PRKAA2: variants seen among roughly 807,000 people sequenced by gnomAD.
PRKAA2 encodes protein kinase AMP-activated catalytic subunit alpha 2, also known as 5'-AMP-activated protein kinase catalytic subunit alpha-2.
PRKAA2 carries 40 observed loss-of-function variants against 56.3 expected under a neutral mutation model. That is an observed-to-expected ratio of 0.71 (90% CI 0.55 to 0.92). The LOEUF (loss-of-function observed/expected upper bound fraction) is 0.92. Ranked by LOEUF, PRKAA2 falls within the 40% of genes least tolerant of loss-of-function variation. The probability of loss-of-function intolerance (pLI) is 0.00; values close to 1 mark genes in which losing one functional copy is unlikely to be tolerated. For missense variants in PRKAA2, 542 were observed against 686.9 expected (o/e 0.79, Z 2.36); for synonymous variants, 214 against 234.2 (o/e 0.91, Z 0.79).
chr1:56,677,843 A>G (rs530974207), intron 2 of PRKAA2, among the ~76,000 whole-genome samples: 1 of 152,092 alleles, frequency 6.6e-6, no homozygotes. Context: ...TTTTGTAGAG[A>G]CAGGCTTTCC....
At chr1:56,661,527 A>G (rs1643994449) in intron 1 of PRKAA2, among the ~76,000 whole-genome samples, 1 of 152,166 alleles carries the variant, frequency 6.6e-6, no homozygotes, top group Admixed American at 6.5e-5. Flanking sequence ...TCTCATTGCT[A>G]TATAGTATTG....
At position 56,715,127 on chromosome 1, in the gene PRKAA2, A is replaced by G. The variant is rs1344141602; in HGVS notation, c.*7414A>G. 2 of 152,182 alleles carry G rather than the reference A, an allele frequency of 1.3e-5. No homozygotes were observed. The highest frequency in any genetic ancestry group is 1.9e-4 in the East Asian group (1 of 5,196). The allele number at this position is 152,182 out of a possible 1,614,324, so 9.4% of individuals were successfully genotyped here. A position where few individuals can be genotyped will look rare whatever the true frequency, so the allele number is the denominator to read the frequency against. The stretch of plus-strand genomic sequence containing the variant: ...ATACTTTTTGTGAGTGTTAAATGAT[A>G]TGGGAAGGATTTGTCTTTCATTAAC... On this transcript the variant is annotated 3_prime_UTR_variant, in exon 9 of 9. Transcript: ENST00000371244.
chr1:56,690,081 T>C (rs942469220), intron 2 of PRKAA2, among the ~76,000 whole-genome samples: 1 of 151,214 alleles, frequency 6.6e-6, no homozygotes, highest in Non-Finnish European at 1.5e-5. Flanking sequence ...CAACATTATC[T>C]TTTTAATCTG....
At position 56,711,802 on chromosome 1, in the gene PRKAA2, G is replaced by A. The variant is rs1644370146; in HGVS notation, c.*4089G>A. On this transcript the variant is annotated 3_prime_UTR_variant, in exon 9 of 9. Coordinates refer to ENST00000371244, the MANE Select transcript of PRKAA2 (RefSeq NM_006252.4). ...TTCTAAGGTACCTTTGAGCTTTAAA[G>A]TTCTTTTCTGCTTTTCCATATGATT... is the stretch of plus-strand genomic sequence containing the variant. The A allele has an allele frequency of 6.6e-6, 1 of 152,018 alleles. No homozygotes were observed. The highest frequency in any genetic ancestry group is 2.4e-5 in the African/African-American group (1 of 41,378). The allele number at this position is 152,018 out of a possible 1,614,324, so 9.4% of individuals were successfully genotyped here. A position where few individuals can be genotyped will look rare whatever the true frequency, so the allele number is the denominator to read the frequency against.
chr1:56,668,411 TAAA>T (rs11353693), intron 1 of PRKAA2, among the ~76,000 whole-genome samples: 5 of 142,254 alleles, frequency 3.5e-5, no homozygotes, highest in Non-Finnish European at 3.1e-5. Context: ...ACTTAAAGTA[TAAA>T]AAAAAAAAAA....
chr1:56,662,329 A>G (rs1254418767), intron 1 of PRKAA2, among the ~76,000 whole-genome samples: 1 of 152,172 alleles, frequency 6.6e-6, no homozygotes, highest in Admixed American at 6.5e-5. Flanking sequence ...TCTTTGAGAA[A>G]AACATATGAC....
intron 6 of PRKAA2, 131 bp downstream of exon 6, chr1:56,696,290 A>G: frequency 1.3e-6 from 1 of 760,968 alleles, no homozygotes; most frequent in South Asian, 2.0e-5. Context: ...AGCCACATTG[A>G]ACTTGTCCTT....
chr1:56,687,536 T>C (rs920075781), intron 2 of PRKAA2, among the ~76,000 whole-genome samples: 1 of 152,132 alleles, frequency 6.6e-6, no homozygotes, highest in South Asian at 2.1e-4. Context: ...GATCCCTATA[T>C]TAATTAGTTG....
intron 2 of PRKAA2, among the ~76,000 whole-genome samples, chr1:56,677,261 G>A (rs2796494): frequency 0.99 from 150,145 of 152,336 alleles, 73,994 homozygotes; most frequent in East Asian, 1. Flanking sequence ...CATTATTCCA[G>A]ATGGTTTTCA....
chr1:56,682,090 C>G (rs1200040823), intron 2 of PRKAA2, among the ~76,000 whole-genome samples: 1 of 152,006 alleles, frequency 6.6e-6, no homozygotes, highest in East Asian at 1.9e-4. Context: ...AAGTTGGATT[C>G]CTAGGTATTT....
rs925832423 is a variant in PRKAA2, at chr1:56,709,524, A to C, written c.*1811A>C. ...TTTACATGATTATTTGTATAGTGAT[A>C]AGCAGTCCTGCTGTGTTAGCCTGGT... On this transcript the variant is annotated 3_prime_UTR_variant, in exon 9 of 9. Transcript: ENST00000371244. 6.6e-6 allele frequency: 1 copy of C among 152,172 alleles called. No homozygotes were observed. Among genetic ancestry groups the C allele is most frequent in the Non-Finnish European group, 1.5e-5 (1 of 68,010 alleles). 9.4% of individuals were successfully genotyped at this position (152,172 alleles called of 1,614,324 possible).
intron 2 of PRKAA2, among the ~76,000 whole-genome samples, chr1:56,677,192 T>A (rs1644119616): frequency 6.6e-6 from 1 of 152,198 alleles, no homozygotes. Flanking sequence ...GCCTAGTGTT[T>A]GATAAGCATT....
intron 1 of PRKAA2, among the ~76,000 whole-genome samples, chr1:56,653,612 C>G (rs771869006): frequency 2.6e-5 from 4 of 152,074 alleles, no homozygotes; most frequent in Non-Finnish European, 4.4e-5. Flanking sequence ...TGAAAAAGCA[C>G]TCAGAAGTAC....
At chr1:56,698,921 C>G (rs546811211) in intron 6 of PRKAA2, among the ~76,000 whole-genome samples, 1 of 152,214 alleles carries the variant, frequency 6.6e-6, no homozygotes, top group East Asian at 1.9e-4. Context: ...TTTGTGTTCT[C>G]CAGGTATCTT....
chr1:56,655,280 A>ATATATATATATATATTT lies in PRKAA2; in HGVS notation c.94+9800_94+9801insATATATATATATATTTT. ...TGTATTTATATATCTATATATATAT[A>ATATATATATATATATTT]TTTTTTTTTTTTTTTTGTAGAGACA... On this transcript the variant is annotated intron_variant, in intron 1 of 8. Transcript: ENST00000371244. Among the ~76,000 whole-genome samples, 110 of 93,632 alleles carry ATATATATATATATATTT rather than the reference A, an allele frequency of 1.2e-3. 1 individual carries two copies. The highest frequency in any genetic ancestry group is 4.6e-3 in the African/African-American group (101 of 22,022). The allele number at this position is 93,632 out of a possible 152,430, so 61.4% of individuals were successfully genotyped here.
At chr1:56,687,473 G>A (rs1644200196) in intron 2 of PRKAA2, among the ~76,000 whole-genome samples, 1 of 152,080 alleles carries the variant, frequency 6.6e-6, no homozygotes. Context: ...GGATAAACAG[G>A]GTGTTCAGGA....
Position 56,707,617 on chromosome 1 carries a change from C to G in PRKAA2, c.1563C>G (p.Thr521=), listed in dbSNP as rs140986085. Residue 521 remains threonine, a synonymous_variant, in exon 9 of 9, where the codon ACC becomes ACG. Transcript: ENST00000371244. ...CTGGCTCTCTCACTGGCTCTTTGAC[C>G]GGAAGCACATTGTCTTCAGTTTCAC... ...SLSGSLTGSL[T]GSTLSSVSPR... is the part of the protein sequence containing the mutation. 13 of 1,614,004 alleles carry G rather than the reference C, an allele frequency of 8.1e-6. No homozygotes were observed. In the East Asian group the frequency reaches 1.8e-4, roughly 22 times the overall value.
rs796664835 is a variant in PRKAA2 at position 56,708,019 on chromosome 1, C to T, written c.*306C>T. 32 of 327,408 alleles carry T rather than the reference C, an allele frequency of 9.8e-5. No homozygotes were observed. The Admixed American group carries it at 1.3e-3, about 14-fold the overall frequency. The allele number at this position is 327,408 out of a possible 1,614,324, so 20.3% of individuals were successfully genotyped here. A position where few individuals can be genotyped will look rare whatever the true frequency, so the allele number is the denominator to read the frequency against. On this transcript the variant is annotated 3_prime_UTR_variant, in exon 9 of 9. Coordinates refer to ENST00000371244, the MANE Select transcript of PRKAA2 (RefSeq NM_006252.4). Reference sequence around the variant, plus strand: ...ACAGACGATTAACACACCACACTGGCGAACCATCTCAATGTAAGGGTGGTT... The same window carrying T: ...ACAGACGATTAACACACCACACTGGTGAACCATCTCAATGTAAGGGTGGTT...
Position 56,653,320 on chromosome 1 carries a change from A to G in PRKAA2, c.94+7839A>G, listed in dbSNP as rs74809324. 9.4e-3 allele frequency among the ~76,000 whole-genome samples: 1,422 copies of G among 151,222 alleles called. 29 individuals carry two copies. Among genetic ancestry groups the G allele is most frequent in the African/African-American group, 0.034 (1,386 of 41,356 alleles). ...TTTTGAATTGTGTCCTTAATATCTG[A>G]ATGGATTTTGTTCATTTGGTGTAGC... On this transcript the variant is annotated intron_variant, in intron 1 of 8. Transcript: ENST00000371244.
Sources: allele counts gnomAD v4.1 joint callset (sites outside exome capture counted in the v4.1 genomes callset), GRCh38; gene constraint gnomAD v4.1.1; transcripts MANE v1.5; gene names NCBI Gene and HGNC (gene_info 2026-07-23, HGNC 2026-07-21).